The following FBXO38 variants were observed in gnomAD, a reference collection of about 807,000 sequenced individuals.
FBXO38 encodes F-box only protein 38.
FBXO38 carries 53 observed loss-of-function variants against 131.9 expected under a neutral mutation model. The observed-to-expected ratio is 0.40, with a 90% confidence interval of 0.32 to 0.51. FBXO38 has a LOEUF of 0.51. FBXO38 is among the 20% of genes least tolerant of loss of function. The pLI, the probability that FBXO38 is intolerant of heterozygous loss-of-function variation, is 0.53. For synonymous variants in FBXO38, 452 were observed against 505.6 expected (o/e 0.89, Z 1.42); for missense variants, 1,076 against 1,475.6 (o/e 0.73, Z 4.44).
rs749812779 is a variant in FBXO38, at chr5:148,402,122, T to A, written c.403T>A (p.Leu135Met). 2.5e-6 allele frequency: 4 copies of A among 1,612,586 alleles called. No individual in the cohort carries two copies. The South Asian group carries it at 4.4e-5, about 18-fold the overall frequency. Residue 135 changes from leucine (L) to methionine (M), a missense_variant, in exon 4 of 22, where the codon TTG becomes ATG. This residue lies in a region of FBXO38 where 96 missense variants were observed against 193.9 expected (regional missense o/e 0.50). Coordinates refer to ENST00000340253, the MANE Select transcript of FBXO38 (RefSeq NM_205836.3). The part of the protein sequence containing the change: ...AFSIPGVLEA[L>M]QACPNLVGVE... ...TAGCATTCCAGGAGTCCTAGAAGCT[T>A]TGCAGGCATGCCCAAACTTAGTGGT...
intron 8 of FBXO38, chr5:148,410,347 G>A (rs1187045586): frequency 2.6e-6 from 1 of 382,132 alleles, no homozygotes; most frequent in Admixed American, 4.7e-5. Flanking sequence ...TTTTAAAAAT[G>A]GGAGTGTCCC....
At chr5:148,397,091 C>A (rs552558466) in intron 2 of FBXO38, among the ~76,000 whole-genome samples, 1 of 152,276 alleles carries the variant, frequency 6.6e-6, no homozygotes, top group South Asian at 2.1e-4. Context: ...ATTCTAAAAA[C>A]AAACAATTTT....
intron 15 of FBXO38, among the ~76,000 whole-genome samples, chr5:148,428,432 A>C (rs1042522387): frequency 6.6e-6 from 1 of 152,174 alleles, no homozygotes; most frequent in Non-Finnish European, 1.5e-5. Flanking sequence ...TTCAAGTAAG[A>C]TTTGCCAGGA....
At chr5:148,419,793 C>T (rs1753297271) in intron 12 of FBXO38, among the ~76,000 whole-genome samples, 1 of 151,918 alleles carries the variant, frequency 6.6e-6, no homozygotes. Flanking sequence ...TGGACCAGCC[C>T]CAGAATGAAG....
At position 148,402,340 on chromosome 5, in the gene FBXO38, T is replaced by C; in HGVS notation, c.427-8T>C. The C allele has an allele frequency of 6.3e-7, 1 of 1,586,930 alleles. No individual in the cohort carries two copies. The highest frequency in any genetic ancestry group is 1.1e-5 in the South Asian group (1 of 87,228). On this transcript the variant is annotated splice_polypyrimidine_tract_variant and splice_region_variant and intron_variant, in intron 4 of 21. Coordinates refer to ENST00000340253, the MANE Select transcript of FBXO38 (RefSeq NM_205836.3). ...TTTTCTTATGCTTGCTTTGGCATTA[T>C]TTTCTAGGGTGTGGAAACTTCTCAT...
At chr5:148,421,714 A>G (rs1411831242) in intron 12 of FBXO38, among the ~76,000 whole-genome samples, 1 of 152,178 alleles carries the variant, frequency 6.6e-6, no homozygotes, top group Non-Finnish European at 1.5e-5. Context: ...AATATTTTCC[A>G]ACAAAGGAAA....
intron 4 of FBXO38, 95 bp downstream of exon 4, chr5:148,402,240 T>G: frequency 6.5e-7 from 1 of 1,542,962 alleles, no homozygotes; most frequent in Non-Finnish European, 8.8e-7. Context: ...AAATCTCATC[T>G]GTCACAAACT....
At chr5:148,422,398 C>G (rs1193890654) in intron 12 of FBXO38, among the ~76,000 whole-genome samples, 1 of 152,158 alleles carries the variant, frequency 6.6e-6, no homozygotes, top group Non-Finnish European at 1.5e-5. Context: ...ACTTTTAGTT[C>G]TTAGCTGAAA....
At chr5:148,410,476 AT>A (rs1752685866) in intron 8 of FBXO38, 158 bp from the exon 9 acceptor site, 1 of 832,332 alleles carries the variant, frequency 1.2e-6, no homozygotes, top group Non-Finnish European at 1.9e-6. Context: ...CTCCCCAGCC[AT>A]GTGGAACTGT....
rs1368254315 is a variant in FBXO38, at chr5:148,427,771, C to T, written c.2477C>T (p.Ser826Leu). Residue 826 changes from serine to leucine, a missense_variant, in exon 15 of 22, where the codon TCA (serine) becomes TTA (leucine). This residue lies in a region of FBXO38 where 213 missense variants were observed against 225.2 expected (regional missense o/e 0.95). Coordinates refer to ENST00000340253, the MANE Select transcript of FBXO38 (RefSeq NM_205836.3). The stretch of plus-strand genomic sequence containing the variant: ...AGGACTCTGCCACAAGGGGGGTCTT[C>T]AGGCCCAGCACATGATGAGAGGACT... ...SFRTLPQGGS[S>L]GPAHDERTNG... 1 of 1,611,610 alleles carries T rather than the reference C, an allele frequency of 6.2e-7. No homozygotes were observed. The highest frequency in any genetic ancestry group is 8.5e-7 in the Non-Finnish European group (1 of 1,178,628).
chr5:148,425,644 C>T lies in FBXO38; in HGVS notation c.1861C>T (p.Arg621Cys), dbSNP rs146121161. ...CTGGATTCCTAAGAACGGTACTCGG[C>T]GTTACTCTGAACGTGAAGAAAAAAC... ...EVWIPKNGTR[R>C]YSEREEKTGE... Residue 621 changes from arginine to cysteine, a missense_variant, in exon 14 of 22, where the codon CGT (arginine) becomes TGT (cysteine). Coordinates refer to ENST00000340253, the MANE Select transcript of FBXO38 (RefSeq NM_205836.3). 60 of 1,613,824 alleles carry T rather than the reference C, an allele frequency of 3.7e-5. No individual in the cohort carries two copies. In the African/African-American group the frequency reaches 6.9e-4, roughly 19 times the overall value.
At position 148,428,117 on chromosome 5, in the gene FBXO38, G is replaced by A. The variant is rs150174779; in HGVS notation, c.2653+170G>A. Among the ~76,000 whole-genome samples, 655 of 152,326 alleles carry A rather than the reference G, an allele frequency of 4.3e-3. 5 individuals carry two copies. The highest frequency in any genetic ancestry group is 6.4e-3 in the Non-Finnish European group (434 of 68,034). On this transcript the variant is annotated intron_variant, in intron 15 of 21. Coordinates refer to ENST00000340253, the MANE Select transcript of FBXO38 (RefSeq NM_205836.3). ...ATTTCAGCAATGGTTTGGAGGGTGG[G>A]TGTGTAAAACAGTTTATAAAATGTC...
rs1489040753 is a variant in FBXO38 at position 148,427,224 on chromosome 5, G to C, written c.1930G>C (p.Gly644Arg). 1 of 1,593,474 alleles carries C rather than the reference G, an allele frequency of 6.3e-7. No homozygotes were observed. Among genetic ancestry groups the C allele is most frequent in the South Asian group, 1.1e-5 (1 of 88,624 alleles). ...QSRELSVSGKGKTPLRKRYNS... is the reference protein window; with the variant it reads ...QSRELSVSGKRKTPLRKRYNS... ...TTTTCTATAAGCAGTAAGTGGAAAA[G>C]GCAAGACTCCACTTCGAAAGAGGTA... Residue 644 changes from glycine to arginine, a missense_variant, in exon 15 of 22, where the codon GGC (glycine) becomes CGC (arginine). Gly to Arg is a moderately radical substitution (Grantham distance 125, BLOSUM62 -2). This residue lies in a region of FBXO38 where 212 missense variants were observed against 221.2 expected (regional missense o/e 0.96). Transcript: ENST00000340253.
intron 17 of FBXO38, among the ~76,000 whole-genome samples, chr5:148,438,130 G>T (rs146535871): frequency 6.6e-6 from 1 of 152,062 alleles, no homozygotes; most frequent in African/African-American, 2.4e-5. Context: ...TTAGAAAAAG[G>T]CACTTTAATG....
At position 148,427,855 on chromosome 5, in the gene FBXO38, G is replaced by A. The variant is rs200692647; in HGVS notation, c.2561G>A (p.Ser854Asn). 94 of 1,591,992 alleles carry A rather than the reference G, an allele frequency of 5.9e-5. No individual in the cohort carries two copies. The highest frequency in any genetic ancestry group is 3.3e-4 in the East Asian group (15 of 44,816). ...EDRRGSSQPE[S>N]CDVQSNEDYP... ...AGGAGGGGGAGCTCCCAGCCTGAGA[G>A]TTGTGACGTGCAGTCTAATGAAGAC... The change falls in exon 15 of 22, where the codon AGT (serine) becomes AAT (asparagine). Residue 854 changes from serine to asparagine, a missense_variant. By Grantham distance (46) the Ser-to-Asn change is conservative. This residue lies in a region of FBXO38 where 213 missense variants were observed against 225.2 expected (regional missense o/e 0.95). Transcript: ENST00000340253.
chr5:148,438,891 C>T, intron 18 of FBXO38, among the ~76,000 whole-genome samples: 1 of 152,084 alleles, frequency 6.6e-6, no homozygotes, highest in African/African-American at 2.4e-5. Flanking sequence ...AGTAAGCCAT[C>T]ATATAACTAC....
chr5:148,427,419 G>A lies in FBXO38; in HGVS notation c.2125G>A (p.Ala709Thr), dbSNP rs777160348. The stretch of plus-strand genomic sequence containing the variant: ...TTATCCCAGCTGCAGCAGCACCACC[G>A]CCAGCACAGTGGGAAACTCCAGCTC... ...DVYPSCSSTT[A>T]STVGNSSSHN... Residue 709 changes from alanine (A) to threonine (T), a missense_variant, in exon 15 of 22, where the codon GCC (alanine) becomes ACC (threonine). Transcript: ENST00000340253. 1.1e-5 allele frequency: 17 copies of A among 1,614,156 alleles called. No homozygotes were observed. Among genetic ancestry groups the A allele is most frequent in the East Asian group, 6.7e-5 (3 of 44,862 alleles).
chr5:148,385,620 TTTTTG>T (rs1475112797), intron 1 of FBXO38, among the ~76,000 whole-genome samples: 1 of 151,456 alleles, frequency 6.6e-6, no homozygotes, highest in African/African-American at 2.4e-5. Flanking sequence ...TGTTGGGGGG[TTTTTG>T]TTTTGTTTTG....
chr5:148,415,117 A>G (rs1244533528), intron 10 of FBXO38, among the ~76,000 whole-genome samples: 1 of 152,148 alleles, frequency 6.6e-6, no homozygotes, highest in African/African-American at 2.4e-5. Flanking sequence ...GTTAAATTCT[A>G]TCCCTGGCCC....
Sources: allele counts gnomAD v4.1 joint callset (sites outside exome capture counted in the v4.1 genomes callset), GRCh38; gene constraint gnomAD v4.1.1; regional missense constraint gnomAD v4.1.1; transcripts MANE v1.5; gene names NCBI Gene and HGNC (gene_info 2026-07-23, HGNC 2026-07-21).